Variants in SLC16A7 observed in about 807,000 individuals in gnomAD.
The protein encoded by SLC16A7 is solute carrier family 16 member 7.
A neutral mutation model predicts 34.9 loss-of-function variants in SLC16A7; 33 were observed. That is an observed-to-expected ratio of 0.94 (90% CI 0.72 to 1.26). The LOEUF (loss-of-function observed/expected upper bound fraction) is 1.26. Ranked by LOEUF, SLC16A7 falls within the 50% of genes most tolerant of loss-of-function variation. SLC16A7 has a pLI of 0.00. For missense variants in SLC16A7, 573 were observed against 578.1 expected (o/e 0.99, Z 0.09); for synonymous variants, 201 against 206.6 (o/e 0.97, Z 0.23).
At chr12:59,660,192 C>A (rs1055594240) in intron 2 of SLC16A7, among the ~76,000 whole-genome samples, 1 of 151,434 alleles carries the variant, frequency 6.6e-6, no homozygotes, top group African/African-American at 2.4e-5. Flanking sequence ...TATGCTACAT[C>A]ATAATAGTAA....
chr12:59,757,151 A>G (rs1390904846), intron 3 of SLC16A7, among the ~76,000 whole-genome samples: 1 of 150,768 alleles, frequency 6.6e-6, no homozygotes, highest in Non-Finnish European at 1.5e-5. Context: ...GATATACCTA[A>G]TTCTAAATGA....
At chr12:59,689,880 C>G (rs180996798) in intron 2 of SLC16A7, among the ~76,000 whole-genome samples, 24 of 151,970 alleles carry the variant, frequency 1.6e-4, no homozygotes, top group Admixed American at 3.9e-4. Context: ...CAGCTATGCT[C>G]TAAGGAATTC....
chr12:59,627,424 G>C (rs569725360), intron 1 of SLC16A7, among the ~76,000 whole-genome samples: 2 of 151,978 alleles, frequency 1.3e-5, no homozygotes, highest in African/African-American at 4.8e-5. Flanking sequence ...ATATGTGTGT[G>C]TATGTACTTG....
chr12:59,739,364 G>A (rs1272592408), intron 3 of SLC16A7, among the ~76,000 whole-genome samples: 5 of 139,888 alleles, frequency 3.6e-5, no homozygotes, highest in Admixed American at 1.4e-4. Context: ...CCCTACAAAG[G>A]ACATGAACTC....
At chr12:59,662,843 G>A (rs1270843659) in intron 2 of SLC16A7, among the ~76,000 whole-genome samples, 6 of 152,018 alleles carry the variant, frequency 3.9e-5, no homozygotes, top group African/African-American at 1.4e-4. Flanking sequence ...TGCTGCTTTA[G>A]GTGAATTTTA....
chr12:59,753,173 G>A (rs1324671637), intron 3 of SLC16A7, among the ~76,000 whole-genome samples: 3 of 152,134 alleles, frequency 2.0e-5, no homozygotes, highest in Admixed American at 6.6e-5. Flanking sequence ...AAAGTCCATC[G>A]AGGCTAGGAA....
chr12:59,712,922 G>A (rs546238497), intron 3 of SLC16A7, among the ~76,000 whole-genome samples: 2 of 152,258 alleles, frequency 1.3e-5, no homozygotes, highest in East Asian at 3.9e-4. Context: ...GTTCCCCAAA[G>A]GTCCTAGTGA....
chr12:59,763,445 G>T (rs1242051881), intron 3 of SLC16A7, among the ~76,000 whole-genome samples: 1 of 152,002 alleles, frequency 6.6e-6, no homozygotes, highest in Admixed American at 6.6e-5. Flanking sequence ...CCTCAATATT[G>T]TGAAGAGCAG....
intron 1 of SLC16A7, among the ~76,000 whole-genome samples, chr12:59,636,766 A>C (rs773328930): frequency 5.3e-5 from 8 of 152,158 alleles, no homozygotes; most frequent in Non-Finnish European, 1.2e-4. Flanking sequence ...ACATGAATTT[A>C]AGATTAGAAA....
At chr12:59,630,058 A>G (rs539466227) in intron 1 of SLC16A7, among the ~76,000 whole-genome samples, 5 of 152,012 alleles carry the variant, frequency 3.3e-5, no homozygotes, top group African/African-American at 9.6e-5. Context: ...AACGAAGAAC[A>G]AAGGAGTGAG....
chr12:59,725,665 T>C (rs1176418861), intron 3 of SLC16A7, among the ~76,000 whole-genome samples: 2 of 152,074 alleles, frequency 1.3e-5, no homozygotes, highest in Non-Finnish European at 2.9e-5. Context: ...GTTATCATTA[T>C]TATCCTACCT....
At chr12:59,675,721 A>T (rs1049230326) in intron 2 of SLC16A7, among the ~76,000 whole-genome samples, 9 of 152,188 alleles carry the variant, frequency 5.9e-5, no homozygotes, top group African/African-American at 2.2e-4. Flanking sequence ...AAATCTGTGT[A>T]GGGATTATAC....
chr12:59,623,758 T>A (rs1879801443), intron 1 of SLC16A7, among the ~76,000 whole-genome samples: 1 of 151,676 alleles, frequency 6.6e-6, no homozygotes, highest in South Asian at 2.1e-4. Flanking sequence ...TTGTTTTGTC[T>A]TACTATTTTG....
At chr12:59,623,801 T>C (rs1879804520) in intron 1 of SLC16A7, among the ~76,000 whole-genome samples, 2 of 150,922 alleles carry the variant, frequency 1.3e-5, no homozygotes. Flanking sequence ...CAGAGTCTTG[T>C]TTTGATCTCT....
intron 2 of SLC16A7, among the ~76,000 whole-genome samples, chr12:59,671,981 C>G (rs7966914): frequency 3.4e-4 from 1 of 2,934 alleles, no homozygotes; most frequent in East Asian, 2.8e-3. Flanking sequence ...ATCCATATAT[C>G]CGTATATATA....
intron 1 of SLC16A7, among the ~76,000 whole-genome samples, chr12:59,607,872 CTAGT>C (rs999487900): frequency 1.3e-4 from 20 of 152,140 alleles, no homozygotes; most frequent in Admixed American, 3.9e-4. Flanking sequence ...GTCTACAAAA[CTAGT>C]AAGTAGATCC....
intron 2 of SLC16A7, among the ~76,000 whole-genome samples, chr12:59,664,523 A>C (rs1869036966): frequency 6.6e-6 from 1 of 152,186 alleles, no homozygotes; most frequent in Admixed American, 6.6e-5. Flanking sequence ...CTCAGTGAAG[A>C]GTCACTAAAC....
chr12:59,674,311 G>A (rs1870127088), intron 2 of SLC16A7, among the ~76,000 whole-genome samples: 1 of 152,088 alleles, frequency 6.6e-6, no homozygotes, highest in South Asian at 2.1e-4. Flanking sequence ...ACTATATCTT[G>A]TTTCATCTTT....
chr12:59,702,257 T>C (rs574145026), intron 2 of SLC16A7, among the ~76,000 whole-genome samples: 48 of 152,144 alleles, frequency 3.2e-4, no homozygotes, highest in African/African-American at 1.1e-3. Context: ...ATTATACATC[T>C]TCAAAGATAC....
Sources: allele counts gnomAD v4.1 joint callset (sites outside exome capture counted in the v4.1 genomes callset), GRCh38; gene constraint gnomAD v4.1.1; transcripts MANE v1.5; gene names NCBI Gene and HGNC (gene_info 2026-07-23, HGNC 2026-07-21).